Variants in FH observed in about 807,000 individuals in gnomAD.
FH encodes fumarate hydratase, mitochondrial.
In FH, 22 loss-of-function variants were observed where a neutral mutation model predicts 49.4. The observed-to-expected ratio is 0.45, with a 90% CI of 0.32 to 0.64. FH has a LOEUF of 0.64. Among genes scored for constraint, FH ranks in the 30% least tolerant of loss-of-function variants. The pLI, the probability that FH is intolerant of heterozygous loss-of-function variation, is 0.05. For synonymous variants in FH, 208 were observed against 223.0 expected (o/e 0.93, Z 0.60); for missense variants, 526 against 641.5 (o/e 0.82, Z 1.95).
At position 241,500,431 on chromosome 1, in the gene FH, A is replaced by G. The variant is rs1338650106; in HGVS notation, c.1390+6T>C. The G allele has an allele frequency of 1.9e-6, 3 of 1,613,354 alleles. No individual in the cohort carries two copies. The highest frequency in any genetic ancestry group is 2.5e-6 in the Non-Finnish European group (3 of 1,179,404). On this transcript the variant is annotated splice_donor_region_variant and intron_variant, in intron 9 of 9. Transcript: ENST00000366560. ...AAAATGATATTATTATTCCTTAAAC[A>G]CTTACCTATATGAGGATTGAGAGCT...
intron 5 of FH, among the ~76,000 whole-genome samples, chr1:241,508,399 C>T (rs183772801): frequency 6.6e-6 from 1 of 152,318 alleles, no homozygotes; most frequent in Admixed American, 6.5e-5. Context: ...AGCAGTCTGA[C>T]TGAATCTGAC....
chr1:241,509,832 C>T (rs1419852910), intron 4 of FH, among the ~76,000 whole-genome samples: 2 of 151,630 alleles, frequency 1.3e-5, no homozygotes, highest in African/African-American at 4.9e-5. Context: ...CACGCATGCA[C>T]ACACACAGAT....
At chr1:241,500,988 G>A (rs905467904) in intron 8 of FH, among the ~76,000 whole-genome samples, 5 of 152,234 alleles carry the variant, frequency 3.3e-5, no homozygotes, top group Admixed American at 1.3e-4. Context: ...AATCTTCCAC[G>A]CAGAAGGAAG....
chr1:241,518,030 T>C lies in FH; in HGVS notation c.133-714A>G, dbSNP rs1458078038. Among the ~76,000 whole-genome samples the C allele has an allele frequency of 3.3e-5, 5 of 152,202 alleles. No homozygotes were observed. The South Asian group carries it at 1.0e-3, about 32-fold the overall frequency. On this transcript the variant is annotated intron_variant, in intron 1 of 9. Transcript: ENST00000366560. ...AACCCTATCCCCATAGGGACTGTCT[T>C]ATTTACAGGGCCTGGTAAGTGGAAG... is the stretch of plus-strand genomic sequence containing the variant.
rs771766378 is a variant in FH, at chr1:241,506,178, AAAG to A, written c.739-13_739-11del. The A allele has an allele frequency of 6.2e-7, 1 of 1,600,738 alleles. No homozygotes were observed. The highest frequency in any genetic ancestry group is 8.6e-7 in the Non-Finnish European group (1 of 1,169,042). On this transcript the variant is annotated splice_polypyrimidine_tract_variant and intron_variant, in intron 5 of 9. Transcript: ENST00000366560. ...CATAACCACTAAATTCCTGAAAAGA[AAAG>A]AAAATTAAGGTAAGAATAAGTAATT...
At chr1:241,500,700 T>C (rs1659757850) in intron 8 of FH, 110 bp from the exon 9 acceptor site, 2 of 1,430,594 alleles carry the variant, frequency 1.4e-6, no homozygotes, top group Non-Finnish European at 1.9e-6. Flanking sequence ...TGACAGTAAA[T>C]ATACAATTCA....
rs796387035 is a variant in FH at position 241,512,596 on chromosome 1, C to T, written c.379-453G>A. Among the ~76,000 whole-genome samples, 3 of 152,164 alleles carry T rather than the reference C, an allele frequency of 2.0e-5. No individual in the cohort carries two copies. The South Asian group carries it at 6.2e-4, about 32-fold the overall frequency. ...TAGAAATAAACGCTGCCCAGATTTG[C>T]CCCTATTTTTGTTGTATTTTTATAC... is the stretch of plus-strand genomic sequence containing the variant. On this transcript the variant is annotated intron_variant, in intron 3 of 9. Transcript: ENST00000366560.
chr1:241,505,646 A>C (rs1026462678), intron 6 of FH, among the ~76,000 whole-genome samples: 6 of 152,208 alleles, frequency 3.9e-5, no homozygotes, highest in African/African-American at 1.4e-4. Context: ...AAAGAAATTA[A>C]GTCTGTCTAC....
chr1:241,514,825 G>A (rs1660176099), intron 2 of FH, among the ~76,000 whole-genome samples: 1 of 152,136 alleles, frequency 6.6e-6, no homozygotes, highest in South Asian at 2.1e-4. Context: ...CACAGGATTA[G>A]AAACTTAAAA....
intron 2 of FH, among the ~76,000 whole-genome samples, chr1:241,514,436 G>C (rs1244347046): frequency 6.6e-6 from 1 of 152,112 alleles, no homozygotes; most frequent in African/African-American, 2.4e-5. Flanking sequence ...ACCTCACCAA[G>C]CTTGAAAAGG....
intron 5 of FH, among the ~76,000 whole-genome samples, chr1:241,507,704 C>A (rs115188447): frequency 3.3e-5 from 5 of 152,268 alleles, no homozygotes; most frequent in African/African-American, 1.2e-4. Context: ...TCAAAACATA[C>A]ATACTGTTCC....
chr1:241,518,273 AC>A (rs2147925872), intron 1 of FH, among the ~76,000 whole-genome samples: 1 of 152,350 alleles, frequency 6.6e-6, no homozygotes, highest in East Asian at 1.9e-4. Context: ...ATTTTAGCTA[AC>A]ATTACAATTC....
intron 6 of FH, among the ~76,000 whole-genome samples, chr1:241,505,197 C>G (rs1659880914): frequency 1.3e-5 from 2 of 152,160 alleles, no homozygotes; most frequent in South Asian, 4.2e-4. Context: ...AGGTGTGAGC[C>G]CCCATGTCCG....
rs1315502412 is a variant in FH at position 241,497,777 on chromosome 1, CTG to C, written c.*49_*50del. On this transcript the variant is annotated 3_prime_UTR_variant, in exon 10 of 10. Transcript: ENST00000366560. Reference sequence around the variant, plus strand: ...TTATCCGTTTTTAAGAAATGGGAGTCTGTTTTTTTAAATTTTATACATGTTTA... The same window carrying C: ...TTATCCGTTTTTAAGAAATGGGAGTCTTTTTTTAAATTTTATACATGTTTA... 6.7e-7 allele frequency: 1 copy of C among 1,487,720 alleles called. No individual in the cohort carries two copies. The highest frequency in any genetic ancestry group is 9.1e-7 in the Non-Finnish European group (1 of 1,095,122). 92.2% of individuals were successfully genotyped at this position (1,487,720 alleles called of 1,614,324 possible).
chr1:241,497,793 T>G lies in FH; in HGVS notation c.*35A>C. ...AATGGGAGTCTGTTTTTTTAAATTT[T>G]ATACATGTTTATTTTCATTATAAAT... On this transcript the variant is annotated 3_prime_UTR_variant, in exon 10 of 10. Coordinates refer to ENST00000366560, the MANE Select transcript of FH (RefSeq NM_000143.4). The G allele has an allele frequency of 6.5e-7, 1 of 1,533,576 alleles. No individual in the cohort carries two copies. 95.0% of individuals were successfully genotyped at this position (1,533,576 alleles called of 1,614,324 possible). A position where few individuals can be genotyped will look rare whatever the true frequency, so the allele number is the denominator to read the frequency against.
Position 241,517,311 on chromosome 1 carries a change from G to A in FH, c.138C>T (p.Ser46=). 1 of 1,613,960 alleles carries A rather than the reference G, an allele frequency of 6.2e-7. No homozygotes were observed. The highest frequency in any genetic ancestry group is 8.5e-7 in the Non-Finnish European group (1 of 1,180,012). ...FWPPNAARMA[S]QNSFRIEYDT... Reference sequence around the variant, plus strand: ...CATATTCTATCCGGAAGGAATTTTGGCTTGCCTAAAGACAAGAATACAACA... The same window carrying A: ...CATATTCTATCCGGAAGGAATTTTGACTTGCCTAAAGACAAGAATACAACA... Residue 46 remains serine, a synonymous_variant, in exon 2 of 10, where the codon AGC becomes AGT. Transcript: ENST00000366560.
At chr1:241,501,829 C>T (rs1259306824) in intron 8 of FH, among the ~76,000 whole-genome samples, 1 of 152,004 alleles carries the variant, frequency 6.6e-6, no homozygotes, top group Admixed American at 6.6e-5. Flanking sequence ...TATCGATCTT[C>T]GTAAAGACGA....
chr1:241,511,046 C>T (rs1660071117), intron 4 of FH, among the ~76,000 whole-genome samples: 1 of 152,154 alleles, frequency 6.6e-6, no homozygotes. Flanking sequence ...AATTGAGGGA[C>T]ATTCTACAAA....
Position 241,500,609 on chromosome 1 carries a change from G to GAGAC in FH, c.1237-20_1237-19insGTCT. The GAGAC allele has an allele frequency of 6.3e-7, 1 of 1,590,164 alleles. No individual in the cohort carries two copies. Among genetic ancestry groups the GAGAC allele is most frequent in the Non-Finnish European group, 8.5e-7 (1 of 1,169,994 alleles). ...TTTTAATCTTTGAGTGAGTGAGAGA[G>GAGAC]AGAGAGAGAGAGAGAGAGAGAGAGA... On this transcript the variant is annotated intron_variant, in intron 8 of 9. Transcript: ENST00000366560.
Sources: allele counts gnomAD v4.1 joint callset (sites outside exome capture counted in the v4.1 genomes callset), GRCh38; gene constraint gnomAD v4.1.1; transcripts MANE v1.5; gene names NCBI Gene and HGNC (gene_info 2026-07-23, HGNC 2026-07-21).